Variants in ZGRF1 observed in about 807,000 individuals in gnomAD.
The protein encoded by ZGRF1 is zinc finger GRF-type containing 1.
In ZGRF1, 196 loss-of-function variants were observed where a neutral mutation model predicts 203.5. That is an observed-to-expected ratio of 0.96 (90% CI 0.86 to 1.08). ZGRF1 has a LOEUF of 1.08. Ranked by LOEUF, ZGRF1 falls within the 50% of genes least tolerant of loss-of-function variation. ZGRF1 has a pLI of 0.00. For synonymous variants in ZGRF1, 809 were observed against 841.3 expected (o/e 0.96, Z 0.66); for missense variants, 2,326 against 2,416.3 (o/e 0.96, Z 0.78).
intron 11 of ZGRF1, among the ~76,000 whole-genome samples, 184 bp from the exon 12 acceptor site, chr4:112,588,113 T>C (rs1747544873): frequency 6.6e-6 from 1 of 152,124 alleles, no homozygotes; most frequent in Non-Finnish European, 1.5e-5. Context: ...TTTCAAAGCT[T>C]AATTCATATA....
intron 8 of ZGRF1, among the ~76,000 whole-genome samples, chr4:112,607,661 G>A (rs1225325081): frequency 6.6e-6 from 1 of 152,192 alleles, no homozygotes. Flanking sequence ...TATAGGCCAG[G>A]CACATGCCTA....
chr4:112,563,644 A>G (rs888835274), intron 16 of ZGRF1, among the ~76,000 whole-genome samples: 6 of 152,248 alleles, frequency 3.9e-5, no homozygotes, highest in Non-Finnish European at 1.5e-5. Context: ...AAGGCCTAAG[A>G]AGGCAGGACA....
chr4:112,592,709 G>A (rs1748383979), intron 10 of ZGRF1, among the ~76,000 whole-genome samples: 1 of 152,034 alleles, frequency 6.6e-6, no homozygotes, highest in African/African-American at 2.4e-5. Flanking sequence ...TTCTTACTTA[G>A]CATCTCTATT....
intron 16 of ZGRF1, among the ~76,000 whole-genome samples, chr4:112,579,451 G>A (rs1200259252): frequency 8.2e-6 from 1 of 122,246 alleles, no homozygotes; most frequent in Non-Finnish European, 1.8e-5. Flanking sequence ...GAAATAAAGG[G>A]TATTCAATTA....
Position 112,541,553 on chromosome 4 carries a change from T to G in ZGRF1, c.5599-285A>C, listed in dbSNP as rs1203174262. On this transcript the variant is annotated intron_variant, in intron 24 of 27. Transcript: ENST00000505019. ...TGTTTTGTTTTTTTTTTTTTTGAGA[T>G]GGAGTCACCCTGTCGCCCAGGCTGG... Among the ~76,000 whole-genome samples, 3 of 147,992 alleles carry G rather than the reference T, an allele frequency of 2.0e-5. No homozygotes were observed. In the East Asian group the frequency reaches 5.9e-4, roughly 29 times the overall value.
chr4:112,628,573 T>C (rs771999051), intron 3 of ZGRF1: 4 of 455,982 alleles, frequency 8.8e-6, no homozygotes, highest in South Asian at 6.2e-5. Flanking sequence ...ATAGCCTGCA[T>C]TTAAGATTGA....
In ZGRF1 at chr4:112,587,518, T is replaced by A. The variant is rs773752919; in HGVS notation, c.3539A>T (p.His1180Leu). The A allele has an allele frequency of 6.2e-7, 1 of 1,613,844 alleles. No individual in the cohort carries two copies. The change falls in exon 12 of 28, where the codon CAT becomes CTT. Residue 1180 changes from histidine (H) to leucine (L), a missense_variant. His to Leu is a moderately conservative substitution (Grantham distance 99, BLOSUM62 -3). Coordinates refer to ENST00000505019, the MANE Select transcript of ZGRF1 (RefSeq NM_018392.5). ...GFFAEAVSGM[H>L]FRDTSERQSD... ...CTGTCTTTCACTTGTGTCTCTAAAATGCATCCCAGAAACAGCCTCAGCAAA... is the reference window on the plus strand; with the variant it reads ...CTGTCTTTCACTTGTGTCTCTAAAAAGCATCCCAGAAACAGCCTCAGCAAA...
chr4:112,575,598 C>T (rs937064531), intron 16 of ZGRF1, among the ~76,000 whole-genome samples: 1 of 152,214 alleles, frequency 6.6e-6, no homozygotes, highest in Non-Finnish European at 1.5e-5. Context: ...GCTTTTCCAA[C>T]AGTCTTAGCA....
intron 10 of ZGRF1, among the ~76,000 whole-genome samples, chr4:112,594,045 G>A (rs1222847948): frequency 6.6e-6 from 1 of 151,954 alleles, no homozygotes; most frequent in Non-Finnish European, 1.5e-5. Context: ...GTGAGCCACC[G>A]TCCCCAGCCT....
intron 3 of ZGRF1, among the ~76,000 whole-genome samples, chr4:112,626,740 C>G (rs2047251522): frequency 6.6e-6 from 1 of 152,176 alleles, no homozygotes; most frequent in Admixed American, 6.6e-5. Flanking sequence ...TTCCAGAGAT[C>G]TGGGTCTCTA....
intron 4 of ZGRF1, among the ~76,000 whole-genome samples, chr4:112,623,317 T>C (rs913532775): frequency 2.0e-5 from 3 of 152,230 alleles, no homozygotes; most frequent in Admixed American, 1.3e-4. Context: ...ACAATGAACA[T>C]ACACATACAT....
intron 20 of ZGRF1, among the ~76,000 whole-genome samples, chr4:112,556,996 A>G (rs1412287600): frequency 6.6e-6 from 1 of 152,198 alleles, no homozygotes; most frequent in East Asian, 1.9e-4. Context: ...GTCTTATGCA[A>G]TCACAAAAAT....
intron 3 of ZGRF1, among the ~76,000 whole-genome samples, chr4:112,625,768 G>A (rs1468459554): frequency 6.6e-6 from 1 of 151,542 alleles, no homozygotes; most frequent in Non-Finnish European, 1.5e-5. Context: ...GGTGGCACAT[G>A]CCTGTAATCC....
chr4:112,543,873 G>A (rs1311506332), intron 24 of ZGRF1, among the ~76,000 whole-genome samples: 2 of 152,214 alleles, frequency 1.3e-5, no homozygotes, highest in African/African-American at 4.8e-5. Context: ...TTTTGGTAGA[G>A]GCAGGGTCAG....
chr4:112,582,760 T>C lies in ZGRF1; in HGVS notation c.4299-958A>G, dbSNP rs560814195. On this transcript the variant is annotated intron_variant, in intron 15 of 27. Coordinates refer to ENST00000505019, the MANE Select transcript of ZGRF1 (RefSeq NM_018392.5). ...CAGGCGTGAGATCATGCCTGGCCTT[T>C]GGTTTATTTCACTTAACATAATGAC... is the stretch of plus-strand genomic sequence containing the variant. Among the ~76,000 whole-genome samples the C allele has an allele frequency of 1.4e-4, 21 of 152,286 alleles. 1 individual carries two copies. The South Asian group carries it at 3.9e-3, about 29-fold the overall frequency.
chr4:112,572,885 CA>C (rs1451013227), intron 16 of ZGRF1, among the ~76,000 whole-genome samples: 1 of 152,010 alleles, frequency 6.6e-6, no homozygotes, highest in Non-Finnish European at 1.5e-5. Flanking sequence ...TGGCCATAAT[CA>C]AAAAATCAAA....
At chr4:112,610,151 C>T (rs1751369565) in intron 7 of ZGRF1, among the ~76,000 whole-genome samples, 1 of 151,644 alleles carries the variant, frequency 6.6e-6, no homozygotes, top group Non-Finnish European at 1.5e-5. Flanking sequence ...AAAATACATA[C>T]ATAAAAAGTA....
At chr4:112,546,311 AAC>A (rs1178148052) in intron 24 of ZGRF1, among the ~76,000 whole-genome samples, 1 of 152,158 alleles carries the variant, frequency 6.6e-6, no homozygotes, top group Admixed American at 6.6e-5. Flanking sequence ...AAGTGATGAA[AAC>A]ATTTTGAAAC....
chr4:112,563,136 G>A lies in ZGRF1; in HGVS notation c.4577C>T (p.Thr1526Ile), dbSNP rs770531509. 8 of 1,547,930 alleles carry A rather than the reference G, an allele frequency of 5.2e-6. No individual in the cohort carries two copies. The South Asian group carries it at 8.4e-5, about 16-fold the overall frequency. The change falls in exon 17 of 28, where the codon ACT (threonine) becomes ATT (isoleucine). Residue 1526 changes from threonine (T) to isoleucine (I), a missense_variant. Thr to Ile is a moderately conservative substitution (Grantham distance 89). Transcript: ENST00000505019. Reference sequence around the variant, plus strand: ...ATGAGCATAGTAATACTCACTGTTAGTGGGCCAATTAGAAGGGAAATAGCC... The same window carrying A: ...ATGAGCATAGTAATACTCACTGTTAATGGGCCAATTAGAAGGGAAATAGCC... The part of the protein sequence containing the change: ...LKGYFPSNWP[T>I]NMVVHALLVC...
Sources: gnomAD v4.1 joint callset for allele counts (sites outside exome capture counted in the v4.1 genomes callset) on GRCh38, gnomAD v4.1.1 for gene constraint, MANE v1.5 for transcripts, NCBI Gene and HGNC (gene_info 2026-07-23, HGNC 2026-07-21) for gene names.